Variants in ATRN observed in about 807,000 individuals in gnomAD.
The protein encoded by ATRN is attractin, also known as attractin-2.
Under a neutral mutation model 178.7 loss-of-function variants are expected in ATRN, and 54 were observed. That is an observed-to-expected ratio of 0.30 (90% CI 0.24 to 0.38). ATRN has a LOEUF of 0.38. Among genes scored for constraint, ATRN ranks in the 10% least tolerant of loss-of-function variants. The pLI is 1.00. For synonymous variants in ATRN, 636 were observed against 663.0 expected (o/e 0.96, Z 0.63); for missense variants, 1,443 against 1,815.1 (o/e 0.79, Z 3.73).
At chr20:3,549,923 T>C (rs2085762755) in intron 6 of ATRN, among the ~76,000 whole-genome samples, 1 of 152,244 alleles carries the variant, frequency 6.6e-6, no homozygotes, top group South Asian at 2.1e-4. Context: ...TAAGGGATTC[T>C]GGAAATATGG....
intron 23 of ATRN, among the ~76,000 whole-genome samples, chr20:3,602,913 A>G (rs1233440606): frequency 6.9e-6 from 1 of 144,146 alleles, no homozygotes; most frequent in Non-Finnish European, 1.5e-5. Context: ...CAGTGACCCA[A>G]GATTGCATCA....
rs1198842985 is a variant in ATRN at position 3,559,429 on chromosome 20, C to G, written c.1149C>G (p.Asn383Lys). Residue 383 changes from asparagine to lysine, a missense_variant, in exon 7 of 29, where the codon AAC becomes AAG. Asn to Lys is a moderately conservative substitution (Grantham distance 94). Coordinates refer to ENST00000262919, the MANE Select transcript of ATRN (RefSeq NM_139321.3). ...CTTCTAGGGAGTGGCTTCCACTAAA[C>G]CGTTCTGTGAACAATGTGGTTGTTA... is the stretch of plus-strand genomic sequence containing the variant. ...DLASREWLPL[N>K]RSVNNVVVRY... The G allele has an allele frequency of 6.2e-7, 1 of 1,613,828 alleles. No homozygotes were observed. Among genetic ancestry groups the G allele is most frequent in the African/African-American group, 1.3e-5 (1 of 74,920 alleles).
chr20:3,618,903 G>A (rs2086873703), intron 24 of ATRN, among the ~76,000 whole-genome samples: 1 of 152,182 alleles, frequency 6.6e-6, no homozygotes, highest in African/African-American at 2.4e-5. Context: ...CAAACTCAAG[G>A]AGGTGACAGC....
rs748153636 is a variant in ATRN at position 3,582,329 on chromosome 20, C to T, written c.2739C>T (p.Leu913=). ...GLKAATCINP[L]NGSVCERPAN... is the part of the protein sequence containing the mutation. ...AGGCTGCAACCTGCATCAACCCACT[C>T]AATGGTAGTGTCTGTGAAAGGCCTG... The change falls in exon 16 of 29, where the codon CTC becomes CTT. Residue 913 remains leucine, a synonymous_variant. Transcript: ENST00000262919. 7.4e-6 allele frequency: 12 copies of T among 1,612,118 alleles called. No individual in the cohort carries two copies. Among genetic ancestry groups the T allele is most frequent in the African/African-American group, 2.7e-5 (2 of 74,844 alleles).
At chr20:3,548,071 A>G (rs1464479707) in intron 5 of ATRN, among the ~76,000 whole-genome samples, 1 of 152,198 alleles carries the variant, frequency 6.6e-6, no homozygotes, top group Non-Finnish European at 1.5e-5. Context: ...TTTAGAGTTA[A>G]TAATTGAAGA....
Position 3,520,585 on chromosome 20 carries a change from C to T in ATRN, c.411-14668C>T, listed in dbSNP as rs533642570. ...TCTTGGCTCAGTGTTACCTCCGCCT[C>T]CTGGGTTCAAATGATTCTTGTGCCT... On this transcript the variant is annotated intron_variant, in intron 1 of 28. Coordinates refer to ENST00000262919, the MANE Select transcript of ATRN (RefSeq NM_139321.3). 3.3e-5 allele frequency among the ~76,000 whole-genome samples: 5 copies of T among 152,260 alleles called. No homozygotes were observed. In the East Asian group the frequency reaches 7.7e-4, roughly 23 times the overall value.
At chr20:3,508,989 A>G (rs1568695692) in intron 1 of ATRN, among the ~76,000 whole-genome samples, 2 of 152,206 alleles carry the variant, frequency 1.3e-5, no homozygotes, top group Non-Finnish European at 2.9e-5. Context: ...AAAAGTAAAT[A>G]GTAAAAGGAT....
At chr20:3,508,943 C>T (rs192936234) in intron 1 of ATRN, among the ~76,000 whole-genome samples, 1 of 151,828 alleles carries the variant, frequency 6.6e-6, no homozygotes. Flanking sequence ...CTAGGGTAAT[C>T]ACTAATAGTA....
chr20:3,621,702 C>T (rs952389529), intron 24 of ATRN, among the ~76,000 whole-genome samples: 27 of 152,114 alleles, frequency 1.8e-4, no homozygotes, highest in Admixed American at 1.4e-3. Context: ...TCTATTTCAC[C>T]GTTTCCATAA....
In ATRN at chr20:3,582,331, A is replaced by G. The variant is rs770889604; in HGVS notation, c.2741A>G (p.Asn914Ser). 12 of 1,612,244 alleles carry G rather than the reference A, an allele frequency of 7.4e-6. No homozygotes were observed. Among genetic ancestry groups the G allele is most frequent in the East Asian group, 2.2e-5 (1 of 44,870 alleles). The part of the protein sequence containing the change: ...LKAATCINPL[N>S]GSVCERPANH... ...GCTGCAACCTGCATCAACCCACTCA[A>G]TGGTAGTGTCTGTGAAAGGCCTGGT... The change falls in exon 16 of 29, where the codon AAT (asparagine) becomes AGT (serine). Residue 914 changes from asparagine to serine, a missense_variant. Transcript: ENST00000262919.
chr20:3,558,422 T>C (rs1217963115), intron 6 of ATRN, among the ~76,000 whole-genome samples: 1 of 152,138 alleles, frequency 6.6e-6, no homozygotes. Context: ...AACTTTCTTA[T>C]ACCTTTATGC....
In ATRN at chr20:3,631,124, C is replaced by A. The variant is rs576457947; in HGVS notation, c.3864-3187C>A. Among the ~76,000 whole-genome samples the A allele has an allele frequency of 1.4e-3, 211 of 151,186 alleles. 1 individual carries two copies. The highest frequency in any genetic ancestry group is 5.0e-3 in the African/African-American group (205 of 41,206). The stretch of plus-strand genomic sequence containing the variant: ...CACCATCATGCCCAGCTAATATTTT[C>A]TTTTTTGTAGAGTTGGGTTCTCACT... On this transcript the variant is annotated intron_variant, in intron 25 of 28. Transcript: ENST00000262919.
intron 1 of ATRN, among the ~76,000 whole-genome samples, chr20:3,489,132 T>C (rs1026206608): frequency 6.6e-6 from 1 of 152,162 alleles, no homozygotes; most frequent in African/African-American, 2.4e-5. Context: ...GACTAATTTT[T>C]GTATTTTTAT....
At chr20:3,644,964 C>T (rs78438268) in intron 28 of ATRN, among the ~76,000 whole-genome samples, 10,143 of 152,162 alleles carry the variant, frequency 0.067, 896 homozygotes, top group African/African-American at 0.2. Flanking sequence ...ATTTTTATAG[C>T]CTACTACATA....
In ATRN at chr20:3,545,862, A is replaced by G; in HGVS notation, c.709A>G (p.Asn237Asp). The G allele has an allele frequency of 6.2e-7, 1 of 1,613,904 alleles. No homozygotes were observed. The highest frequency in any genetic ancestry group is 8.5e-7 in the Non-Finnish European group (1 of 1,179,868). The change falls in exon 4 of 29, where the codon AAT becomes GAT. Residue 237 changes from asparagine to aspartate, a missense_variant. This residue lies in a region of ATRN where 862 missense variants were observed against 972.1 expected (regional missense o/e 0.89). Coordinates refer to ENST00000262919, the MANE Select transcript of ATRN (RefSeq NM_139321.3). ...GCATTTTTTTAGTGATGCTGCTTATAATTTGACTGGATTTAATATTACTTA... is the reference window on the plus strand; with the variant it reads ...GCATTTTTTTAGTGATGCTGCTTATGATTTGACTGGATTTAATATTACTTA... ...LLHFFSDAAY[N>D]LTGFNITYSF...
At chr20:3,540,437 C>A in intron 3 of ATRN, 102 bp downstream of exon 3, 3 of 720,442 alleles carry the variant, frequency 4.2e-6, no homozygotes, top group Non-Finnish European at 7.0e-6. Flanking sequence ...TATCACTTAA[C>A]ACATTTATTT....
chr20:3,521,475 A>G (rs1233861433), intron 1 of ATRN, among the ~76,000 whole-genome samples: 1 of 152,248 alleles, frequency 6.6e-6, no homozygotes, highest in African/African-American at 2.4e-5. Flanking sequence ...GTGTTTAGCA[A>G]CAGAGTTCTA....
intron 6 of ATRN, among the ~76,000 whole-genome samples, chr20:3,555,223 T>C (rs186847020): frequency 0.038 from 5,797 of 151,800 alleles, 147 homozygotes; most frequent in Non-Finnish European, 0.056. Context: ...CAGGATGGTC[T>C]CGATCTCCTG....
intron 27 of ATRN, among the ~76,000 whole-genome samples, chr20:3,642,877 T>A (rs1413954178): frequency 4.6e-5 from 7 of 152,208 alleles, no homozygotes; most frequent in Non-Finnish European, 1.0e-4. Context: ...CTCTGGCTGG[T>A]GGCAGAAAGA....
Sources: allele counts gnomAD v4.1 joint callset (sites outside exome capture counted in the v4.1 genomes callset), GRCh38; gene constraint gnomAD v4.1.1; regional missense constraint gnomAD v4.1.1; transcripts MANE v1.5; gene names NCBI Gene and HGNC (gene_info 2026-07-23, HGNC 2026-07-21).